Variants in PIWIL3 observed in about 807,000 individuals in gnomAD.
The protein encoded by PIWIL3 is piwi-like protein 3.
PIWIL3 carries 101 observed loss-of-function variants against 109.7 expected under a neutral mutation model. That is an observed-to-expected ratio of 0.92 (90% CI 0.78 to 1.09). PIWIL3 has a LOEUF of 1.09. PIWIL3 is among the 50% of genes least tolerant of loss of function. PIWIL3 has a pLI of 0.00. For synonymous variants in PIWIL3, 373 were observed against 376.4 expected (o/e 0.99, Z 0.10); for missense variants, 1,031 against 1,072.6 (o/e 0.96, Z 0.54).
rs200041893 is a variant in PIWIL3 at position 24,729,032 on chromosome 22, T to C, written c.1708-658A>G. The stretch of plus-strand genomic sequence containing the variant: ...CGCAGAAATGCTTTTGTTCTTTGTG[T>C]AATCAGCAGGCTCCCAGGAAAGTTT... On this transcript the variant is annotated intron_variant, in intron 14 of 20. Coordinates refer to ENST00000616349, the MANE Select transcript of PIWIL3 (RefSeq NM_001255975.1). Among the ~76,000 whole-genome samples the C allele has an allele frequency of 6.6e-5, 10 of 152,324 alleles. 1 individual carries two copies. In the East Asian group the frequency reaches 9.6e-4, roughly 15 times the overall value.
intron 7 of PIWIL3, 90 bp downstream of exon 7, chr22:24,754,694 G>T (rs747361851): frequency 7.4e-5 from 77 of 1,036,052 alleles, no homozygotes; most frequent in South Asian, 3.2e-4. Flanking sequence ...CACTTTTAAG[G>T]CATACCACTT....
At chr22:24,739,045 G>C (rs1286533288) in intron 12 of PIWIL3, among the ~76,000 whole-genome samples, 1 of 152,090 alleles carries the variant, frequency 6.6e-6, no homozygotes, top group Non-Finnish European at 1.5e-5. Flanking sequence ...GATTCAAGTA[G>C]AAATTCTGGA....
intron 12 of PIWIL3, among the ~76,000 whole-genome samples, chr22:24,738,024 C>CA (rs1923767160): frequency 1.3e-5 from 2 of 151,926 alleles, no homozygotes; most frequent in African/African-American, 4.8e-5. Context: ...TGGTGGTGGG[C>CA]GCTGTAATCC....
intron 1 of PIWIL3, among the ~76,000 whole-genome samples, chr22:24,768,796 T>C (rs548161313): frequency 3.9e-5 from 6 of 152,332 alleles, no homozygotes; most frequent in African/African-American, 1.4e-4. Flanking sequence ...GCTTGGACAA[T>C]AGTTTCTCAG....
At position 24,759,885 on chromosome 22, in the gene PIWIL3, TC is replaced by T. The variant is rs1169389387; in HGVS notation, c.206del (p.Gly69GlufsTer8). The T allele has an allele frequency of 5.6e-6, 9 of 1,614,012 alleles. No individual in the cohort carries two copies. In the East Asian group the frequency reaches 8.9e-5, roughly 16 times the overall value. On this transcript the variant is annotated frameshift_variant, in exon 3 of 21. Transcript: ENST00000616349. LOFTEE classifies it high-confidence loss of function. ...TCCTTTCACCTTGAGACTGTGCTCC[TC>T]CTCCTGCTCCTCCTCTTGCTGCTCT... ...QPRAARGGAG[G>X]GAQSQGVKEP...
At chr22:24,747,000 C>T (rs1242771066) in intron 12 of PIWIL3, among the ~76,000 whole-genome samples, 2 of 151,404 alleles carry the variant, frequency 1.3e-5, no homozygotes, top group Non-Finnish European at 1.5e-5. Flanking sequence ...ATTTTAAAAC[C>T]AAAAGACCCA....
chr22:24,728,344 G>A lies in PIWIL3; in HGVS notation c.1738C>T (p.Arg580Cys), dbSNP rs738826. The A allele has an allele frequency of 8.2e-4, 1,319 of 1,613,954 alleles. 2 individuals carry two copies. Among genetic ancestry groups the A allele is most frequent in the Non-Finnish European group, 1.1e-3 (1,250 of 1,180,034 alleles). The change falls in exon 15 of 21, where the codon CGT becomes TGT. Residue 580 changes from arginine (R) to cysteine (C), a missense_variant. Physicochemically the swap from Arg to Cys is radical, Grantham distance 180. Coordinates refer to ENST00000616349, the MANE Select transcript of PIWIL3 (RefSeq NM_001255975.1). ...TATCTTTTTATGCTGTCATATCTAC[G>A]TTTGTCATCATTGGGCAGGATACAA... Reference protein sequence around the residue: ...VICILPNDDKRRYDSIKRYLC... With the variant: ...VICILPNDDKCRYDSIKRYLC...
chr22:24,734,175 A>G lies in PIWIL3; in HGVS notation c.1635-19T>C. The G allele has an allele frequency of 6.2e-7, 1 of 1,607,502 alleles. No individual in the cohort carries two copies. On this transcript the variant is annotated intron_variant, in intron 13 of 20. Coordinates refer to ENST00000616349, the MANE Select transcript of PIWIL3 (RefSeq NM_001255975.1). ...TTCAATCCTAAAAAATAAATATAGC[A>G]TCCACATCCAAAAGATACCAACCAG...
At chr22:24,728,511 G>A in intron 14 of PIWIL3, 137 bp from the exon 15 acceptor site, 1 of 897,778 alleles carries the variant, frequency 1.1e-6, no homozygotes, top group Non-Finnish European at 1.7e-6. Context: ...ATGAGCCCAA[G>A]AGGGCGAAGG....
At chr22:24,767,906 A>G (rs1345732400) in intron 1 of PIWIL3, among the ~76,000 whole-genome samples, 1 of 152,090 alleles carries the variant, frequency 6.6e-6, no homozygotes, top group African/African-American at 2.4e-5. Context: ...CCCAGAGCCA[A>G]CCTCCTTTGC....
At chr22:24,720,264 T>G (rs175668) in intron 19 of PIWIL3, among the ~76,000 whole-genome samples, 9,633 of 59,108 alleles carry the variant, frequency 0.16, 736 homozygotes, top group East Asian at 0.41. Flanking sequence ...AAACTGTTTT[T>G]TTTTTTTTTT....
At chr22:24,733,391 A>C (rs1463219792) in intron 14 of PIWIL3, among the ~76,000 whole-genome samples, 1 of 151,932 alleles carries the variant, frequency 6.6e-6, no homozygotes, top group Non-Finnish European at 1.5e-5. Context: ...GACTCCTAGA[A>C]AAATACCAGG....
Position 24,749,823 on chromosome 22 carries a change from C to T in PIWIL3, c.1090-4G>A. On this transcript the variant is annotated splice_region_variant and splice_polypyrimidine_tract_variant and intron_variant, in intron 9 of 20. Coordinates refer to ENST00000616349, the MANE Select transcript of PIWIL3 (RefSeq NM_001255975.1). ...CTGTGACAATTTCTTTATGTTGCTG[C>T]TCAACAAACAAGAGACCAGCATGAC... 6.2e-7 allele frequency: 1 copy of T among 1,613,904 alleles called. No individual in the cohort carries two copies. Among genetic ancestry groups the T allele is most frequent in the South Asian group, 1.1e-5 (1 of 91,068 alleles).
chr22:24,770,128 A>C (rs1926049270), intron 1 of PIWIL3, among the ~76,000 whole-genome samples: 1 of 152,264 alleles, frequency 6.6e-6, no homozygotes, highest in Admixed American at 6.5e-5. Context: ...TGTAGATCAA[A>C]GCATTTCATC....
At chr22:24,727,302 C>T (rs1923055965) in intron 16 of PIWIL3, among the ~76,000 whole-genome samples, 1 of 152,128 alleles carries the variant, frequency 6.6e-6, no homozygotes. Context: ...TAAAAGTTTT[C>T]CAAATGAGTC....
rs778208561 is a variant in PIWIL3, at chr22:24,725,047, A to G, written c.2081-10T>C. On this transcript the variant is annotated splice_polypyrimidine_tract_variant and intron_variant, in intron 17 of 20. Transcript: ENST00000616349. ...CAGACATCCAGGGCAGCTAAGAGGAAATCAGAAAAAGTAAATAAACCGTTA... is the reference window on the plus strand; with the variant it reads ...CAGACATCCAGGGCAGCTAAGAGGAGATCAGAAAAAGTAAATAAACCGTTA... 1.9e-6 allele frequency: 3 copies of G among 1,613,430 alleles called. No individual in the cohort carries two copies. The highest frequency in any genetic ancestry group is 2.2e-5 in the South Asian group (2 of 90,998).
intron 8 of PIWIL3, among the ~76,000 whole-genome samples, chr22:24,753,512 C>T (rs539873504): frequency 6.6e-6 from 1 of 152,172 alleles, no homozygotes; most frequent in Non-Finnish European, 1.5e-5. Context: ...ATCACACTGT[C>T]TTGATTACCA....
At chr22:24,721,369 CT>C (rs1261001159) in intron 19 of PIWIL3, among the ~76,000 whole-genome samples, 7 of 152,086 alleles carry the variant, frequency 4.6e-5, no homozygotes, top group Non-Finnish European at 8.8e-5. Flanking sequence ...TAAGTGTGAA[CT>C]TTTATTGATT....
At position 24,738,717 on chromosome 22, in the gene PIWIL3, A is replaced by C. The variant is rs547206560; in HGVS notation, c.1450-2825T>G. Among the ~76,000 whole-genome samples, 12 of 152,330 alleles carry C rather than the reference A, an allele frequency of 7.9e-5. No homozygotes were observed. The South Asian group carries it at 2.5e-3, about 32-fold the overall frequency. On this transcript the variant is annotated intron_variant, in intron 12 of 20. Transcript: ENST00000616349. ...ATGACTTAGATCACAATACCCAAGT[A>C]CTTCTGAATACCTGGACAGCCTTCC... is the stretch of plus-strand genomic sequence containing the variant.
Sources: gnomAD v4.1 joint callset for allele counts (sites outside exome capture counted in the v4.1 genomes callset) on GRCh38, gnomAD v4.1.1 for gene constraint, MANE v1.5 for transcripts, NCBI Gene and HGNC (gene_info 2026-07-23, HGNC 2026-07-21) for gene names.